SPICE1: variants seen among roughly 807,000 people sequenced by gnomAD.
The protein encoded by SPICE1 is spindle and centriole associated protein 1.
In SPICE1, 75 loss-of-function variants were observed where a neutral mutation model predicts 102.7. That is an observed-to-expected ratio of 0.73 (90% CI 0.61 to 0.88). The LOEUF (loss-of-function observed/expected upper bound fraction) is 0.88, where lower values mean the gene tolerates loss of function less well. Ranked by LOEUF, SPICE1 falls within the 40% of genes least tolerant of loss-of-function variation. The pLI is 0.00. For synonymous variants in SPICE1, 308 were observed against 350.3 expected, an observed-to-expected ratio of 0.88 and a Z score of 1.35; for missense variants, 979 against 1,020.1, an observed-to-expected ratio of 0.96 and a Z score of 0.55.
At chr3:113,481,357 T>C (rs564124453) in intron 7 of SPICE1, among the ~76,000 whole-genome samples, 2 of 151,496 alleles carry the variant, frequency 1.3e-5, no homozygotes, top group South Asian at 4.2e-4. Flanking sequence ...GCAAACTCTA[T>C]ATGAGAGAAA....
At chr3:113,500,873 A>G (rs1175982671) in intron 3 of SPICE1, among the ~76,000 whole-genome samples, 1 of 152,214 alleles carries the variant, frequency 6.6e-6, no homozygotes, top group Admixed American at 6.5e-5. Flanking sequence ...AGCATTAACA[A>G]TCTGCCCATT....
chr3:113,491,105 C>T (rs1469152763), intron 6 of SPICE1, among the ~76,000 whole-genome samples: 7 of 152,160 alleles, frequency 4.6e-5, no homozygotes, highest in Non-Finnish European at 1.0e-4. Flanking sequence ...GACCTAGGTC[C>T]TACTTGTCTC....
At chr3:113,482,195 G>A (rs1162425304) in intron 7 of SPICE1, among the ~76,000 whole-genome samples, 1 of 152,064 alleles carries the variant, frequency 6.6e-6, no homozygotes, top group African/African-American at 2.4e-5. Flanking sequence ...ATGTTTTTTG[G>A]CTGCATAAAT....
At chr3:113,471,099 G>C (rs541385291) in intron 7 of SPICE1, among the ~76,000 whole-genome samples, 1 of 152,108 alleles carries the variant, frequency 6.6e-6, no homozygotes, top group African/African-American at 2.4e-5. Context: ...AAGGATATTG[G>C]GATGGATCTT....
intron 7 of SPICE1, among the ~76,000 whole-genome samples, chr3:113,472,107 G>A (rs1310959899): frequency 2.6e-5 from 4 of 152,194 alleles, no homozygotes; most frequent in East Asian, 1.9e-4. Context: ...CTTTTCCGAC[G>A]GGCTTAAAAA....
rs750931460 is a variant in SPICE1 at position 113,499,592 on chromosome 3, A to G, written c.148-10T>C. The G allele has an allele frequency of 2.5e-6, 4 of 1,586,020 alleles. No homozygotes were observed. Among genetic ancestry groups the G allele is most frequent in the Admixed American group, 1.8e-5 (1 of 55,762 alleles). On this transcript the variant is annotated splice_polypyrimidine_tract_variant and intron_variant, in intron 3 of 17. Transcript: ENST00000295872. ...TTTCATGACGGCGTACCTATACAGA[A>G]GAGAAAAGTACATAAAGGAATGTTT...
intron 17 of SPICE1, among the ~76,000 whole-genome samples, chr3:113,445,618 G>C (rs759965448): frequency 6.6e-6 from 1 of 152,046 alleles, no homozygotes; most frequent in African/African-American, 2.4e-5. Flanking sequence ...AGCTATCATA[G>C]GCATAAATTT....
intron 7 of SPICE1, among the ~76,000 whole-genome samples, chr3:113,481,626 T>G (rs1260440389): frequency 6.6e-6 from 1 of 151,986 alleles, no homozygotes; most frequent in African/African-American, 2.4e-5. Context: ...GTCCGTGTGT[T>G]CTCATTGTTC....
At chr3:113,451,452 TTA>T (rs933983294) in intron 14 of SPICE1, among the ~76,000 whole-genome samples, 3 of 152,136 alleles carry the variant, frequency 2.0e-5, no homozygotes, top group African/African-American at 7.2e-5. Flanking sequence ...GATTTTTAGC[TTA>T]TGTCTATTAG....
At chr3:113,473,931 T>G (rs2107471640) in intron 7 of SPICE1, among the ~76,000 whole-genome samples, 1 of 151,858 alleles carries the variant, frequency 6.6e-6, no homozygotes, top group Middle Eastern at 3.4e-3. Flanking sequence ...AATTCACACT[T>G]AACAATATTA....
intron 1 of SPICE1, among the ~76,000 whole-genome samples, chr3:113,508,037 A>C (rs1179718639): frequency 2.0e-5 from 3 of 152,184 alleles, no homozygotes; most frequent in Non-Finnish European, 4.4e-5. Context: ...CGGGGAAAGA[A>C]TAGTCTTTTC....
intron 7 of SPICE1, among the ~76,000 whole-genome samples, chr3:113,472,827 A>C (rs973473173): frequency 6.6e-6 from 1 of 152,200 alleles, no homozygotes; most frequent in Non-Finnish European, 1.5e-5. Context: ...AAAACCACAA[A>C]GATGGGGAAG....
chr3:113,461,357 T>G (rs982742915), intron 11 of SPICE1, among the ~76,000 whole-genome samples: 3 of 145,666 alleles, frequency 2.1e-5, no homozygotes, highest in African/African-American at 5.1e-5. Context: ...TTACATAAGG[T>G]TTTTTTTTTT....
intron 16 of SPICE1, among the ~76,000 whole-genome samples, chr3:113,447,320 C>G (rs1220159080): frequency 6.6e-6 from 1 of 152,174 alleles, no homozygotes; most frequent in Non-Finnish European, 1.5e-5. Context: ...AACACACACA[C>G]AGTTTCCCCT....
intron 7 of SPICE1, among the ~76,000 whole-genome samples, chr3:113,482,750 T>TCCC (rs1234310108): frequency 6.6e-6 from 1 of 152,210 alleles, no homozygotes; most frequent in Non-Finnish European, 1.5e-5. Context: ...CTCTGTTCTG[T>TCCC]TCCATTGGTC....
In SPICE1 at chr3:113,453,490, T is replaced by C. The variant is rs769532997; in HGVS notation, c.2118A>G (p.Gln706=). The change falls in exon 14 of 18, where the codon CAA becomes CAG. Residue 706 remains glutamine, a synonymous_variant. Transcript: ENST00000295872. Reference sequence around the variant, plus strand: ...CAGAAGTCATGTCACTTGCACTTTCTTGTTTGTTCAACTCCCGGAGTCCAT... The same window carrying C: ...CAGAAGTCATGTCACTTGCACTTTCCTGTTTGTTCAACTCCCGGAGTCCAT... ...QGDGLRELNK[Q]ESASDMTSTF... is the part of the protein sequence containing the mutation. 4 of 1,609,610 alleles carry C rather than the reference T, an allele frequency of 2.5e-6. No individual in the cohort carries two copies. Among genetic ancestry groups the C allele is most frequent in the South Asian group, 2.2e-5 (2 of 90,606 alleles).
chr3:113,446,341 G>T (rs1311755901), intron 17 of SPICE1, among the ~76,000 whole-genome samples: 2 of 152,164 alleles, frequency 1.3e-5, no homozygotes, highest in Admixed American at 1.3e-4. Context: ...CCTGAAACCA[G>T]TAATTTCCAG....
rs1936033109 is a variant in SPICE1, at chr3:113,465,490, C to CGGAATATATAT, written c.1287+162_1287+163insATATATATTCC. Among the ~76,000 whole-genome samples, 4 of 152,208 alleles carry CGGAATATATAT rather than the reference C, an allele frequency of 2.6e-5. No homozygotes were observed. In the South Asian group the frequency reaches 8.3e-4, roughly 32 times the overall value. ...TTCCAAGCTTCTACTATAGTACTTC[C>CGGAATATATAT]ATGTAATAAATGTTCAATAATACCT... On this transcript the variant is annotated intron_variant, in intron 11 of 17. Coordinates refer to ENST00000295872, the MANE Select transcript of SPICE1 (RefSeq NM_144718.4).
chr3:113,462,461 T>C (rs1245961373), intron 11 of SPICE1, among the ~76,000 whole-genome samples: 1 of 152,212 alleles, frequency 6.6e-6, no homozygotes, highest in Non-Finnish European at 1.5e-5. Context: ...TCAAATCTTC[T>C]CATGGCTGGG....
Sources: gnomAD v4.1 joint callset for allele counts (sites outside exome capture counted in the v4.1 genomes callset) on GRCh38, gnomAD v4.1.1 for gene constraint, MANE v1.5 for transcripts, NCBI Gene and HGNC (gene_info 2026-07-23, HGNC 2026-07-21) for gene names.